The following SDK1 variants were observed in gnomAD, a reference collection of about 807,000 sequenced individuals.
The protein encoded by SDK1 is protein sidekick-1.
Under a neutral mutation model 245.5 loss-of-function variants are expected in SDK1, and 157 were observed. The ratio of observed to expected loss-of-function variants is 0.64; its 90% confidence interval spans 0.56 to 0.73. The LOEUF (loss-of-function observed/expected upper bound fraction) is 0.73. SDK1 is among the 30% of genes least tolerant of loss of function. SDK1 has a pLI of 0.00. For synonymous variants in SDK1, 1,647 were observed against 1,278.5 expected (o/e 1.29, Z -6.15); for missense variants, 3,583 against 3,002.3 (o/e 1.19, Z -4.52).
At chr7:4,029,994 T>C (rs1464674986) in intron 17 of SDK1, among the ~76,000 whole-genome samples, 1 of 152,190 alleles carries the variant, frequency 6.6e-6, no homozygotes, top group African/African-American at 2.4e-5. Flanking sequence ...ACTTGGGGTT[T>C]ACACCCAGAG....
chr7:3,930,059 A>G (rs1034386166), intron 5 of SDK1, among the ~76,000 whole-genome samples: 1 of 152,030 alleles, frequency 6.6e-6, no homozygotes, highest in Non-Finnish European at 1.5e-5. Context: ...CCAGCACAGA[A>G]CTTCTCACAC....
chr7:3,332,534 G>T (rs1780094620), intron 1 of SDK1, among the ~76,000 whole-genome samples: 1 of 152,070 alleles, frequency 6.6e-6, no homozygotes, highest in African/African-American at 2.4e-5. Context: ...CATGATAATG[G>T]AGTCTGTTAT....
At chr7:3,578,090 T>A (rs950276147) in intron 1 of SDK1, among the ~76,000 whole-genome samples, 12 of 152,058 alleles carry the variant, frequency 7.9e-5, no homozygotes, top group African/African-American at 2.7e-4. Flanking sequence ...TAATTTGCAT[T>A]ATTTTTTATC....
intron 14 of SDK1, among the ~76,000 whole-genome samples, chr7:4,004,192 C>G (rs1333515573): frequency 6.6e-6 from 1 of 152,180 alleles, no homozygotes; most frequent in Non-Finnish European, 1.5e-5. Context: ...GTCAGGCACT[C>G]TTCTAGTTGC....
chr7:4,208,354 T>A (rs1784346629), intron 37 of SDK1, 69 bp downstream of exon 37: 1 of 1,449,986 alleles, frequency 6.9e-7, no homozygotes. Context: ...CCAGCTCAGG[T>A]CCCCTCACAC....
At chr7:3,599,511 G>C (rs1222362157) in intron 1 of SDK1, among the ~76,000 whole-genome samples, 1 of 152,096 alleles carries the variant, frequency 6.6e-6, no homozygotes, top group Admixed American at 6.5e-5. Flanking sequence ...TGTGCATTAT[G>C]CTTTTTATGT....
At chr7:3,487,677 C>A (rs1001884069) in intron 1 of SDK1, among the ~76,000 whole-genome samples, 8 of 147,596 alleles carry the variant, frequency 5.4e-5, no homozygotes, top group Non-Finnish European at 1.2e-4. Flanking sequence ...ATCAGTTGAT[C>A]CCAGGAAATT....
chr7:3,850,822 C>T (rs1017128552), intron 5 of SDK1, among the ~76,000 whole-genome samples: 5 of 136,876 alleles, frequency 3.7e-5, no homozygotes, highest in Admixed American at 1.7e-4. Context: ...AACACTTGGA[C>T]ACAGGAAGGG....
chr7:3,302,508 C>T (rs1045220390), intron 1 of SDK1: 11 of 152,100 alleles, frequency 7.2e-5, no homozygotes, highest in African/African-American at 1.9e-4. Context: ...GTGGTGAGCT[C>T]TGAAATAGGG....
At chr7:3,329,051 C>G (rs1237885426) in intron 1 of SDK1, among the ~76,000 whole-genome samples, 4 of 152,074 alleles carry the variant, frequency 2.6e-5, no homozygotes, top group Admixed American at 2.6e-4. Context: ...CCGTTTATCC[C>G]CTCTCTTGCT....
intron 5 of SDK1, among the ~76,000 whole-genome samples, chr7:3,919,385 ATC>A (rs1779506704): frequency 6.6e-6 from 1 of 152,208 alleles, no homozygotes; most frequent in Non-Finnish European, 1.5e-5. Context: ...CATGGGAACC[ATC>A]TACTGCTGCA....
At chr7:3,488,994 A>T (rs1781787796) in intron 1 of SDK1, among the ~76,000 whole-genome samples, 1 of 151,974 alleles carries the variant, frequency 6.6e-6, no homozygotes, top group African/African-American at 2.4e-5. Flanking sequence ...ATGGTGTTAC[A>T]TGTCCATTCT....
intron 1 of SDK1, among the ~76,000 whole-genome samples, chr7:3,554,684 C>T (rs1779526017): frequency 6.6e-6 from 1 of 152,160 alleles, no homozygotes; most frequent in South Asian, 2.1e-4. Context: ...TCTTCAATCA[C>T]CTAGGCCACC....
At position 3,967,224 on chromosome 7, in the gene SDK1, T is replaced by C. The variant is rs76005784; in HGVS notation, c.1430-94T>C. 6,790 of 911,692 alleles carry C rather than the reference T, an allele frequency of 7.4e-3. 129 individuals carry two copies. Among genetic ancestry groups the C allele is most frequent in the South Asian group, 0.04 (2,803 of 70,190 alleles). The allele number at this position is 911,692 out of a possible 1,614,324, so 56.5% of individuals were successfully genotyped here. A position where few individuals can be genotyped will look rare whatever the true frequency, so the allele number is the denominator to read the frequency against. On this transcript the variant is annotated intron_variant, in intron 9 of 44. Coordinates refer to ENST00000404826, the MANE Select transcript of SDK1 (RefSeq NM_152744.4). ...TGTATTGCTACAGTTACCTCTGTGA[T>C]TGGCTCTCTAAAGCCCGTGCAGGAT...
intron 39 of SDK1, 36 bp downstream of exon 39, chr7:4,220,306 CA>C (rs1562449502): frequency 6.3e-7 from 1 of 1,594,148 alleles, no homozygotes; most frequent in Admixed American, 1.7e-5. Context: ...ATGTCAATTG[CA>C]ACTTTAGCCT....
At chr7:4,257,141 C>A (rs1787686178) in intron 44 of SDK1, among the ~76,000 whole-genome samples, 2 of 152,204 alleles carry the variant, frequency 1.3e-5, no homozygotes, top group South Asian at 4.1e-4. Flanking sequence ...TTCAAAATCC[C>A]TCCTGCTCCC....
At chr7:3,885,291 AC>A (rs1208865736) in intron 5 of SDK1, among the ~76,000 whole-genome samples, 1 of 152,118 alleles carries the variant, frequency 6.6e-6, no homozygotes, top group Non-Finnish European at 1.5e-5. Context: ...CTGTAAACTG[AC>A]TGACGCCCGG....
intron 1 of SDK1, among the ~76,000 whole-genome samples, chr7:3,581,661 A>C (rs558201268): frequency 1.3e-5 from 2 of 152,340 alleles, no homozygotes; most frequent in African/African-American, 4.8e-5. Flanking sequence ...TACCCAAAGG[A>C]ATGTAAATCG....
chr7:3,889,243 G>T (rs763844587), intron 5 of SDK1, among the ~76,000 whole-genome samples: 26 of 152,198 alleles, frequency 1.7e-4, no homozygotes, highest in Non-Finnish European at 3.4e-4. Context: ...TTTATACTCA[G>T]ATAGACTCCT....
Sources: gnomAD v4.1 joint callset for allele counts (sites outside exome capture counted in the v4.1 genomes callset) on GRCh38, gnomAD v4.1.1 for gene constraint, MANE v1.5 for transcripts, NCBI Gene and HGNC (gene_info 2026-07-23, HGNC 2026-07-21) for gene names.